IL1RAPL1: variants seen among roughly 807,000 people sequenced by gnomAD.
IL1RAPL1 encodes interleukin 1 receptor accessory protein like 1.
In IL1RAPL1, 3 loss-of-function variants were observed where a neutral mutation model predicts 48.4. The ratio of observed to expected loss-of-function variants is 0.06; its 90% CI spans 0.03 to 0.16. The LOEUF (loss-of-function observed/expected upper bound fraction) is 0.16. IL1RAPL1 is among the 10% of genes least tolerant of loss of function. The pLI is 1.00. For missense variants in IL1RAPL1, 349 were observed against 530.6 expected (o/e 0.66, Z 3.36); for synonymous variants, 185 against 187.7 (o/e 0.99, Z 0.12).
intron 2 of IL1RAPL1, among the ~76,000 whole-genome samples, chrX:29,179,121 A>G (rs1230865714): frequency 9.0e-6 from 1 of 110,552 alleles, no homozygotes; most frequent in African/African-American, 3.3e-5. Flanking sequence ...AGTTTTTTCC[A>G]ATTCTGTGAA....
chrX:28,785,101 C>T (rs1313998297), intron 1 of IL1RAPL1, among the ~76,000 whole-genome samples: 1 of 111,858 alleles, frequency 8.9e-6, no homozygotes, highest in African/African-American at 3.2e-5. Context: ...AAAGACTGGT[C>T]ATTAGCATCT....
At chrX:29,139,579 A>G (rs1929205438) in intron 2 of IL1RAPL1, among the ~76,000 whole-genome samples, 2 of 110,820 alleles carry the variant, frequency 1.8e-5, no homozygotes, top group South Asian at 3.8e-4. Context: ...ATAATATACA[A>G]TCCCCAAATA....
chrX:29,853,237 A>G lies in IL1RAPL1; in HGVS notation c.779-64227A>G, dbSNP rs1008443354. 3.7e-4 allele frequency among the ~76,000 whole-genome samples: 40 copies of G among 108,677 alleles called. 1 individual carries two copies. In the Middle Eastern group the frequency reaches 0.014, roughly 38 times the overall value. 94.4% of individuals were successfully genotyped at this position (108,677 alleles called of 115,157 possible). ...CGGCCAGGTGCAGTGGCTCACACCT[A>G]TAATCCCAACACTTGGGAGGCTGAG... On this transcript the variant is annotated intron_variant, in intron 6 of 10. Transcript: ENST00000378993.
Position 28,837,513 on chromosome X carries a change from G to T in IL1RAPL1, c.82+48088G>T, listed in dbSNP as rs192246402. On this transcript the variant is annotated intron_variant, in intron 2 of 10. Coordinates refer to ENST00000378993, the MANE Select transcript of IL1RAPL1 (RefSeq NM_014271.4). ...TGATTGATTAGAGTGTTACACATGA[G>T]ACAAAAAGATAGATGGGCAATACCG... Among the ~76,000 whole-genome samples, 333 of 109,464 alleles carry T rather than the reference G, an allele frequency of 3.0e-3. 1 individual carries two copies. The highest frequency in any genetic ancestry group is 0.014 in the Middle Eastern group (3 of 214).
intron 2 of IL1RAPL1, among the ~76,000 whole-genome samples, chrX:29,256,122 A>AT (rs1284459582): frequency 8.1e-5 from 9 of 111,188 alleles, no homozygotes; most frequent in Admixed American, 1.9e-4. Context: ...AACATTTGTT[A>AT]TTTTTTGACT....
intron 2 of IL1RAPL1, among the ~76,000 whole-genome samples, chrX:29,167,312 C>T (rs1929805159): frequency 9.1e-6 from 1 of 109,571 alleles, no homozygotes; most frequent in South Asian, 3.9e-4. Context: ...TTCCCCTTCC[C>T]TTCCCTTCTT....
chrX:29,237,881 T>C (rs915106132), intron 2 of IL1RAPL1, among the ~76,000 whole-genome samples: 7 of 112,333 alleles, frequency 6.2e-5, no homozygotes, highest in African/African-American at 2.3e-4. Flanking sequence ...ATAATCATGC[T>C]TTTTTAATTG....
At position 29,799,680 on chromosome X, in the gene IL1RAPL1, G is replaced by A. The variant is rs972515053; in HGVS notation, c.779-117784G>A. On this transcript the variant is annotated intron_variant, in intron 6 of 10. Transcript: ENST00000378993. ...CATTTCCTAGACTCAATAGGTGCAC[G>A]TGGCTAGTGGCTACCATAGTGGACA... 7.1e-5 allele frequency among the ~76,000 whole-genome samples: 8 copies of A among 112,234 alleles called. No homozygotes were observed. In the East Asian group the frequency reaches 8.4e-4, roughly 12 times the overall value.
At chrX:29,507,568 A>C (rs925369603) in intron 5 of IL1RAPL1, among the ~76,000 whole-genome samples, 49 of 99,648 alleles carry the variant, frequency 4.9e-4, no homozygotes, top group African/African-American at 1.8e-3. Context: ...AATTAAAAAA[A>C]ATGTAGAGAC....
At chrX:29,953,812 C>T (rs930277569) in intron 9 of IL1RAPL1, among the ~76,000 whole-genome samples, 5 of 110,608 alleles carry the variant, frequency 4.5e-5, no homozygotes, top group African/African-American at 9.8e-5. Context: ...AGTCAGTTGC[C>T]GTTTTCTCTC....
At chrX:29,693,508 C>T (rs1306703671) in intron 6 of IL1RAPL1, among the ~76,000 whole-genome samples, 1 of 112,380 alleles carries the variant, frequency 8.9e-6, no homozygotes, top group Non-Finnish European at 1.9e-5. Flanking sequence ...TACCTGATAG[C>T]CTGCATGTGA....
chrX:29,755,066 G>A (rs1255965795), intron 6 of IL1RAPL1, among the ~76,000 whole-genome samples: 2 of 112,188 alleles, frequency 1.8e-5, no homozygotes, highest in Non-Finnish European at 3.8e-5. Flanking sequence ...TTCCTAACTA[G>A]GTGTTGGCCA....
chrX:28,939,152 C>G (rs934637853), intron 2 of IL1RAPL1, among the ~76,000 whole-genome samples: 1 of 110,950 alleles, frequency 9.0e-6, no homozygotes, highest in African/African-American at 3.3e-5. Context: ...AAAAACAGAA[C>G]TACCATTCAC....
intron 1 of IL1RAPL1, among the ~76,000 whole-genome samples, chrX:28,686,405 G>A (rs971920128): frequency 1.8e-4 from 20 of 111,822 alleles, no homozygotes; most frequent in Non-Finnish European, 3.6e-4. Context: ...ATTTTCTCTA[G>A]TGATTTTTCT....
intron 2 of IL1RAPL1, among the ~76,000 whole-genome samples, chrX:29,150,284 C>A (rs1290939923): frequency 8.9e-6 from 1 of 111,952 alleles, no homozygotes; most frequent in African/African-American, 3.2e-5. Context: ...CTCTATGTAA[C>A]TTACCAGGAG....
intron 2 of IL1RAPL1, among the ~76,000 whole-genome samples, chrX:28,953,833 A>G (rs12844626): frequency 1.8e-5 from 2 of 111,431 alleles, no homozygotes; most frequent in South Asian, 7.5e-4. Flanking sequence ...ATGGCATCCT[A>G]CAAGACTACT....
intron 2 of IL1RAPL1, among the ~76,000 whole-genome samples, chrX:29,004,843 G>C (rs1925938320): frequency 1.8e-5 from 2 of 111,265 alleles, no homozygotes; most frequent in Admixed American, 1.9e-4. Flanking sequence ...CTGGGTGACA[G>C]AGTGAGACCC....
chrX:29,713,057 C>T (rs926248971), intron 6 of IL1RAPL1, among the ~76,000 whole-genome samples: 2 of 111,344 alleles, frequency 1.8e-5, no homozygotes, highest in African/African-American at 6.5e-5. Flanking sequence ...GAGGAGCTTC[C>T]TAATTTGAGT....
chrX:28,609,001 G>A (rs1359643089), intron 1 of IL1RAPL1, among the ~76,000 whole-genome samples: 1 of 111,925 alleles, frequency 8.9e-6, no homozygotes, highest in Non-Finnish European at 1.9e-5. Flanking sequence ...ATTCAGACTG[G>A]CATTAAGATG....
Sources: allele counts gnomAD v4.1 joint callset (sites outside exome capture counted in the v4.1 genomes callset), GRCh38; gene constraint gnomAD v4.1.1; transcripts MANE v1.5; gene names NCBI Gene and HGNC (gene_info 2026-07-23, HGNC 2026-07-21).